The following ACE variants were observed in gnomAD, a reference collection of about 807,000 sequenced individuals.
ACE encodes the protein angiotensin-converting enzyme.
A neutral mutation model predicts 162.3 loss-of-function variants in ACE; 122 were observed. The observed-to-expected ratio is 0.75, with a 90% CI of 0.65 to 0.87. The LOEUF is 0.87. Ranked by LOEUF, ACE falls within the 40% of genes least tolerant of loss-of-function variation. ACE has a pLI of 0.00. For synonymous variants in ACE, 796 were observed against 720.6 expected, an observed-to-expected ratio of 1.10 and a Z score of -1.68; for missense variants, 1,799 against 1,735.1, an observed-to-expected ratio of 1.04 and a Z score of -0.65.
At chr17:63,482,797 G>T in intron 8 of ACE, 108 bp downstream of exon 8, 1 of 1,291,362 alleles carries the variant, frequency 7.7e-7, no homozygotes, top group Admixed American at 1.9e-5. Context: ...CTGCCTCCCG[G>T]CCCCAGGTCA....
intron 2 of ACE, chr17:63,478,759 TG>T: frequency 1.7e-6 from 1 of 576,474 alleles, no homozygotes; most frequent in Non-Finnish European, 3.2e-6. Context: ...GGTGCCAAGC[TG>T]GGACTTGACC....
rs2030189690 is a variant in ACE at position 63,489,005 on chromosome 17, G to A, written c.2514G>A (p.Leu838=). The change falls in exon 17 of 25, where the codon CTG becomes CTA. Residue 838 remains leucine (L), a synonymous_variant. Coordinates refer to ENST00000290866, the MANE Select transcript of ACE (RefSeq NM_000789.4). Reference sequence around the variant, plus strand: ...AGACACCATCCCTGGAGCAAGACCTGGAGCGGCTCTTCCAGGAGCTGCAGC... The same window carrying A: ...AGACACCATCCCTGGAGCAAGACCTAGAGCGGCTCTTCCAGGAGCTGCAGC... ...MYETPSLEQD[L]ERLFQELQPL... The A allele has an allele frequency of 1.2e-6, 2 of 1,614,186 alleles. No individual in the cohort carries two copies. The highest frequency in any genetic ancestry group is 2.2e-5 in the East Asian group (1 of 44,874).
chr17:63,486,848 CT>C (rs2029979784), intron 14 of ACE, 133 bp downstream of exon 14: 1 of 1,474,730 alleles, frequency 6.8e-7, no homozygotes, highest in Admixed American at 1.7e-5. Flanking sequence ...CGATGTGCAC[CT>C]CAGAACTGCT....
intron 1 of ACE, 164 bp downstream of exon 1, chr17:63,477,507 G>A (rs1599136728): frequency 2.5e-6 from 1 of 399,278 alleles, no homozygotes; most frequent in Non-Finnish European, 3.5e-6. Flanking sequence ...GCCGGGCTGC[G>A]CGCACGGCCT....
Position 63,484,176 on chromosome 17 carries a change from C to A in ACE, c.1710-154C>A, listed in dbSNP as rs1465045921. Among the ~76,000 whole-genome samples, 1 of 152,202 alleles carries A rather than the reference C, an allele frequency of 6.6e-6. No homozygotes were observed. Among genetic ancestry groups the A allele is most frequent in the Non-Finnish European group, 1.5e-5 (1 of 68,020 alleles). On this transcript the variant is annotated intron_variant, in intron 11 of 24. Transcript: ENST00000290866. This position sits in a 1 kb window ranked among gnomAD's most constrained non-coding sequence, Gnocchi z 4.0. ...CATGGGGCGACACAAATGCCCCCTG[C>A]CACCATCAGAGAGATCCCAGGCCCC... is the stretch of plus-strand genomic sequence containing the variant.
At chr17:63,496,702 G>A in intron 23 of ACE, 96 bp from the exon 24 acceptor site, 1 of 1,592,268 alleles carries the variant, frequency 6.3e-7, no homozygotes, top group Non-Finnish European at 8.6e-7. Flanking sequence ...CCTGGGACAA[G>A]TTTCAGCTGG....
intron 19 of ACE, 42 bp from the exon 20 acceptor site, chr17:63,493,394 T>G: frequency 6.3e-7 from 1 of 1,594,582 alleles, no homozygotes; most frequent in Non-Finnish European, 8.6e-7. Flanking sequence ...GGCTTCTCAC[T>G]GTCCTCTCCC....
At chr17:63,493,835 G>A in intron 20 of ACE, 87 bp from the exon 21 acceptor site, 3 of 1,596,492 alleles carry the variant, frequency 1.9e-6, no homozygotes, top group Non-Finnish European at 2.6e-6. Flanking sequence ...AAAAGGTACA[G>A]CACCCCCACC....
At chr17:63,492,016 CT>C (rs2030420154) in intron 19 of ACE, among the ~76,000 whole-genome samples, 1 of 152,216 alleles carries the variant, frequency 6.6e-6, no homozygotes, top group Non-Finnish European at 1.5e-5. Flanking sequence ...AGCCCCAGTT[CT>C]GGCTGTCGGT....
At chr17:63,486,830 C>A in intron 14 of ACE, 115 bp downstream of exon 14, 3 of 1,496,758 alleles carry the variant, frequency 2.0e-6, no homozygotes, top group Non-Finnish European at 2.8e-6. Context: ...GTCATGGCAT[C>A]TGCCATGCGA....
At position 63,480,427 on chromosome 17, in the gene ACE, C is replaced by T. The variant is rs760966452; in HGVS notation, c.746C>T (p.Pro249Leu). The part of the protein sequence containing the change: ...DLEHLYQQLE[P>L]LYLNLHAFVR... ...GAACACCTCTACCAACAGCTAGAGC[C>T]CCTCTACCTGAACCTCCATGCCTTC... Residue 249 changes from proline to leucine, a missense_variant, in exon 5 of 25, where the codon CCC becomes CTC. Physicochemically the swap from Pro to Leu is moderately conservative, Grantham distance 98. Transcript: ENST00000290866. The T allele has an allele frequency of 5.0e-6, 8 of 1,614,030 alleles. No individual in the cohort carries two copies. Among genetic ancestry groups the T allele is most frequent in the African/African-American group, 1.3e-5 (1 of 74,928 alleles).
In ACE at chr17:63,484,982, C is replaced by T; in HGVS notation, c.1922-254C>T. On this transcript the variant is annotated intron_variant, in intron 12 of 24. Coordinates refer to ENST00000290866, the MANE Select transcript of ACE (RefSeq NM_000789.4). The surrounding 1 kb of genome is among the most constrained non-coding windows in gnomAD (Gnocchi z 4.0). ...GGCATCCCAACAGGTGACAGTCACC[C>T]ATGGGACAAGCAGCCAGGCAACAAC... 6.2e-7 allele frequency: 1 copy of T among 1,609,126 alleles called. No individual in the cohort carries two copies. Among genetic ancestry groups the T allele is most frequent in the Non-Finnish European group, 8.5e-7 (1 of 1,177,856 alleles).
intron 19 of ACE, among the ~76,000 whole-genome samples, chr17:63,492,725 T>C (rs1171685403): frequency 6.6e-6 from 1 of 152,170 alleles, no homozygotes; most frequent in Non-Finnish European, 1.5e-5. Context: ...ATTGGTTTGC[T>C]AAACAACAAG....
In ACE at chr17:63,496,409, C is replaced by T; in HGVS notation, c.3396C>T (p.Phe1132=). The T allele has an allele frequency of 6.2e-7, 1 of 1,614,226 alleles. No individual in the cohort carries two copies. Among genetic ancestry groups the T allele is most frequent in the South Asian group, 1.1e-5 (1 of 91,084 alleles). ...SVPYIRYFVS[F]IIQFQFHEAL... is the part of the protein sequence containing the mutation. ...TCTGCTCCAGGTACTTTGTCAGCTTCATCATCCAGTTCCAGTTCCACGAGG... is the reference window on the plus strand; with the variant it reads ...TCTGCTCCAGGTACTTTGTCAGCTTTATCATCCAGTTCCAGTTCCACGAGG... The change falls in exon 23 of 25, where the codon TTC becomes TTT. Residue 1132 remains phenylalanine (F), a synonymous_variant. Transcript: ENST00000290866.
rs2029861108 is a variant in ACE, at chr17:63,483,568, C to CGGGGGGGGGGCGG, written c.1586+10_1586+11insGGGGGGGGGGCGG. 1 of 1,585,842 alleles carries CGGGGGGGGGGCGG rather than the reference C, an allele frequency of 6.3e-7. No homozygotes were observed. Among genetic ancestry groups the CGGGGGGGGGGCGG allele is most frequent in the Non-Finnish European group, 8.6e-7 (1 of 1,159,950 alleles). Reference sequence around the variant, plus strand: ...TGACACCATACATCAGGTATTAGCGCCCCCACCCCACCCACCCCCAGTACT... The same window carrying CGGGGGGGGGGCGG: ...TGACACCATACATCAGGTATTAGCGCGGGGGGGGGGCGGCCCCACCCCACCCACCCCCAGTACT... On this transcript the variant is annotated intron_variant, in intron 10 of 24. Transcript: ENST00000290866.
Position 63,483,474 on chromosome 17 carries a change from G to T in ACE, c.1502G>T (p.Gly501Val). 6.2e-7 allele frequency: 1 copy of T among 1,613,860 alleles called. No homozygotes were observed. Among genetic ancestry groups the T allele is most frequent in the East Asian group, 2.2e-5 (1 of 44,876 alleles). Residue 501 changes from glycine to valine, a missense_variant, in exon 10 of 25, where the codon GGG (glycine) becomes GTG (valine). Transcript: ENST00000290866. Reference sequence around the variant, plus strand: ...TCCTTTTCCAGAACCAAGTATCAGGGGATCTGTCCTCCTGTTACCCGAAAC... The same window carrying T: ...TCCTTTTCCAGAACCAAGTATCAGGTGATCTGTCCTCCTGTTACCCGAAAC... The part of the protein sequence containing the change: ...DWWYLRTKYQ[G>V]ICPPVTRNET...
intron 13 of ACE, chr17:63,485,625 A>T: frequency 4.4e-6 from 2 of 455,148 alleles, no homozygotes; most frequent in South Asian, 3.8e-5. Context: ...AAAATACAAA[A>T]ATTAGCCGGG....
chr17:63,494,216 G>A, intron 21 of ACE, 150 bp downstream of exon 21: 1 of 1,317,836 alleles, frequency 7.6e-7, no homozygotes, highest in Non-Finnish European at 1.1e-6. Context: ...GTAAGTGATG[G>A]GGAAAACGGG....
intron 21 of ACE, 123 bp downstream of exon 21, chr17:63,494,189 C>A: frequency 7.2e-7 from 1 of 1,384,978 alleles, no homozygotes; most frequent in African/African-American, 1.4e-5. Flanking sequence ...TGTGTCTGTG[C>A]ATATGATGTG....
Sources: gnomAD v4.1 joint callset for allele counts (sites outside exome capture counted in the v4.1 genomes callset) on GRCh38, gnomAD v4.1.1 for gene constraint, Gnocchi (gnomAD v3.1) non-coding constraint, MANE v1.5 for transcripts, NCBI Gene and HGNC (gene_info 2026-07-23, HGNC 2026-07-21) for gene names.